Variants in ADGRG1 observed in about 807,000 individuals in gnomAD.
ADGRG1 encodes the protein adhesion G protein-coupled receptor G1, also known as 7-transmembrane protein with no EGF-like N-terminal domains-1.
A neutral mutation model predicts 73.5 loss-of-function variants in ADGRG1; 53 were observed. The ratio of observed to expected loss-of-function variants is 0.72; its 90% CI spans 0.58 to 0.91. The LOEUF is 0.91. Among genes scored for constraint, ADGRG1 ranks in the 40% least tolerant of loss-of-function variants. The pLI, the probability that ADGRG1 is intolerant of heterozygous loss-of-function variation, is 0.00. For missense variants in ADGRG1, 795 were observed against 871.8 expected (o/e 0.91, Z 1.11); for synonymous variants, 394 against 374.4 (o/e 1.05, Z -0.60).
chr16:57,659,369 T>A (rs200003516), intron 10 of ADGRG1, 44 bp from the exon 11 acceptor site: 1 of 1,612,270 alleles, frequency 6.2e-7, no homozygotes, highest in East Asian at 2.2e-5. Flanking sequence ...CACTCCCCTC[T>A]CTACCTTCCC....
intron 5 of ADGRG1, among the ~76,000 whole-genome samples, chr16:57,654,479 G>A (rs79501333): frequency 1.8e-3 from 279 of 150,910 alleles, no homozygotes; most frequent in African/African-American, 6.2e-3. Flanking sequence ...GTACAGTGGG[G>A]TAATCATGTC....
In ADGRG1 at chr16:57,663,535, G is replaced by A. The variant is rs760698066; in HGVS notation, c.2017G>A (p.Ala673Thr). Residue 673 changes from alanine (A) to threonine (T), a missense_variant, in exon 14 of 14, where the codon GCC becomes ACC. Physicochemically the swap from Ala to Thr is moderately conservative, Grantham distance 58. Coordinates refer to ENST00000562631, the MANE Select transcript of ADGRG1 (RefSeq NM_201525.4). ...CCCTCTGAAGAGCAACTCAGACAGC[G>A]CCAGGCTCCCCATCAGCTCGGGCAG... ...PSPLKSNSDS[A>T]RLPISSGSTS... is the part of the protein sequence containing the mutation. The A allele has an allele frequency of 2.8e-5, 45 of 1,613,796 alleles. No homozygotes were observed. The Admixed American group carries it at 3.0e-4, about 11-fold the overall frequency.
chr16:57,654,370 G>A (rs1444229028), intron 5 of ADGRG1, among the ~76,000 whole-genome samples: 7 of 150,714 alleles, frequency 4.6e-5, no homozygotes, highest in Non-Finnish European at 1.0e-4. Flanking sequence ...GGGGCCACCC[G>A]TGTGAACAGA....
rs1382909508 is a variant in ADGRG1 at position 57,628,907 on chromosome 16, AGT to A, written c.-36+111_-36+112del. 1.7e-4 allele frequency: 142 copies of A among 823,152 alleles called. 5 individuals carry two copies. Among genetic ancestry groups the A allele is most frequent in the African/African-American group, 9.3e-4 (27 of 29,106 alleles). The allele number at this position is 823,152 out of a possible 1,614,324, so 51.0% of individuals were successfully genotyped here. On this transcript the variant is annotated intron_variant, in intron 1 of 13. Coordinates refer to ENST00000562631, the MANE Select transcript of ADGRG1 (RefSeq NM_201525.4). ...GTGAGAGTGTGAGTGTGTGAGTGTG[AGT>A]GTGTGAGAGTGAGTGTGAGTGTGAG...
At chr16:57,635,797 C>T in intron 1 of ADGRG1, 10 of 985,402 alleles carry the variant, frequency 1.0e-5, no homozygotes, top group Non-Finnish European at 1.2e-5. Flanking sequence ...CACCATGCTC[C>T]TTTGGATCCA....
chr16:57,660,685 G>T, intron 11 of ADGRG1, 83 bp from the exon 12 acceptor site: 2 of 1,502,014 alleles, frequency 1.3e-6, no homozygotes, highest in Non-Finnish European at 1.8e-6. Flanking sequence ...AGGGGCCCTT[G>T]CCCTCCAGAC....
rs942831911 is a variant in ADGRG1, at chr16:57,661,939, T to G, written c.1907T>G (p.Leu636Arg). 1.2e-6 allele frequency: 2 copies of G among 1,614,014 alleles called. No homozygotes were observed. The highest frequency in any genetic ancestry group is 2.2e-5 in the South Asian group (2 of 91,082). ...ACCTTCCAGCTTGTCGTCCTCTACC[T>G]TTTCAGCATCATCACCTCCTTCCAA... Reference protein sequence around the residue: ...SGTFQLVVLYLFSIITSFQGF... With the variant: ...SGTFQLVVLYRFSIITSFQGF... The change falls in exon 13 of 14, where the codon CTT becomes CGT. Residue 636 changes from leucine to arginine, a missense_variant. Physicochemically the swap from Leu to Arg is moderately radical, Grantham distance 102 (BLOSUM62 -2). Transcript: ENST00000562631.
chr16:57,637,075 G>A (rs898907864), intron 1 of ADGRG1, among the ~76,000 whole-genome samples: 1 of 152,210 alleles, frequency 6.6e-6, no homozygotes, highest in Admixed American at 6.5e-5. Flanking sequence ...TCTGAGGACA[G>A]AAGTCTAGAG....
intron 1 of ADGRG1, chr16:57,648,792 G>A (rs905249796): frequency 6.9e-5 from 56 of 816,672 alleles, no homozygotes; most frequent in Admixed American, 6.8e-4. Flanking sequence ...CCACAGGGCC[G>A]GCTGGCCATA....
intron 1 of ADGRG1, chr16:57,646,304 G>T: frequency 1.2e-6 from 1 of 858,194 alleles, no homozygotes; most frequent in Non-Finnish European, 1.4e-6. Context: ...CGTGCAGAGG[G>T]GCAGGGCTGA....
At chr16:57,652,787 C>T (rs1263552109) in intron 3 of ADGRG1, 13 of 1,071,740 alleles carry the variant, frequency 1.2e-5, no homozygotes, top group African/African-American at 1.7e-5. Context: ...CTTAGTAGGC[C>T]GCCCACGCTA....
chr16:57,625,754 C>G (rs751292395), upstream of ADGRG1: 119 of 645,314 alleles, frequency 1.8e-4, no homozygotes, highest in Non-Finnish European at 2.2e-4. Context: ...CTCTGGCTCC[C>G]CAGTACCTTT....
At position 57,641,392 on chromosome 16, in the gene ADGRG1, G is replaced by A. The variant is rs971055033; in HGVS notation, c.-35-8861G>A. On this transcript the variant is annotated intron_variant, in intron 1 of 13. Transcript: ENST00000562631. ...TGGAGACTTGGCCATGAACCTCTAC[G>A]TGGCTGCAGACCACCCCAGGAGCAT... 2.0e-5 allele frequency: 20 copies of A among 979,554 alleles called. No individual in the cohort carries two copies. In the South Asian group the frequency reaches 2.8e-4, roughly 14 times the overall value. The allele number at this position is 979,554 out of a possible 1,614,324, so 60.7% of individuals were successfully genotyped here.
At chr16:57,654,819 G>A (rs532744780) in intron 5 of ADGRG1, among the ~76,000 whole-genome samples, 7 of 152,226 alleles carry the variant, frequency 4.6e-5, no homozygotes, top group Non-Finnish European at 1.0e-4. Flanking sequence ...GGCGGAGGTT[G>A]CAGTGAGCTG....
intron 1 of ADGRG1, among the ~76,000 whole-genome samples, chr16:57,637,098 G>A (rs1283479321): frequency 2.6e-5 from 4 of 152,172 alleles, no homozygotes; most frequent in Admixed American, 6.5e-5. Flanking sequence ...GCTGGAGTTG[G>A]CGACTGCAAG....
At chr16:57,642,138 C>T (rs1597286734) in intron 1 of ADGRG1, 1 of 985,214 alleles carries the variant, frequency 1.0e-6, no homozygotes, top group East Asian at 1.1e-4. Flanking sequence ...TTCCAACATC[C>T]TGAGTGTCTT....
chr16:57,638,799 C>T (rs529632608), intron 1 of ADGRG1, among the ~76,000 whole-genome samples: 6 of 152,118 alleles, frequency 3.9e-5, no homozygotes, highest in East Asian at 3.9e-4. Context: ...GGGCCAGGCG[C>T]GGTGGCTCAC....
intron 1 of ADGRG1, chr16:57,635,423 G>A: frequency 3.0e-6 from 3 of 985,388 alleles, no homozygotes; most frequent in Non-Finnish European, 3.6e-6. Flanking sequence ...TGGGAGCTGG[G>A]ACCAGTGCAG....
chr16:57,628,561 G>A, upstream of ADGRG1: 3 of 985,590 alleles, frequency 3.0e-6, no homozygotes, highest in Non-Finnish European at 3.6e-6. Context: ...GCTCAGGGAG[G>A]AGGGAGGAGC....
Sources: allele counts gnomAD v4.1 joint callset (sites outside exome capture counted in the v4.1 genomes callset), GRCh38; gene constraint gnomAD v4.1.1; transcripts MANE v1.5; gene names NCBI Gene and HGNC (gene_info 2026-07-23, HGNC 2026-07-21).